RAB30: variants seen among roughly 807,000 people sequenced by gnomAD.
RAB30 encodes RAB30, member RAS oncogene family.
Under a neutral mutation model 25.1 loss-of-function variants are expected in RAB30, and 9 were observed. That is an observed-to-expected ratio of 0.36 (90% confidence interval 0.22 to 0.63). The LOEUF (loss-of-function observed/expected upper bound fraction) is 0.63. Ranked by LOEUF, RAB30 falls within the 20% of genes least tolerant of loss-of-function variation. The probability of loss-of-function intolerance (pLI) is 0.69; values close to 1 mark genes in which losing one functional copy is unlikely to be tolerated. For missense variants in RAB30, 140 were observed against 243.5 expected, an observed-to-expected ratio of 0.58 and a Z score of 2.83; for synonymous variants, 77 against 86.4, an observed-to-expected ratio of 0.89 and a Z score of 0.60.
At position 83,071,878 on chromosome 11, in the gene RAB30, T is replaced by G. The variant is rs1246903320; in HGVS notation, c.-196A>C. ...TCGCAAGCCCAGCAGCAGCAGGGGGTGGAGAGACCGTAGCACAATGAATGC... is the reference window on the plus strand; with the variant it reads ...TCGCAAGCCCAGCAGCAGCAGGGGGGGGAGAGACCGTAGCACAATGAATGC... On this transcript the variant is annotated 5_prime_UTR_variant, in exon 1 of 5. Transcript: ENST00000527633. 2 of 384,072 alleles carry G rather than the reference T, an allele frequency of 5.2e-6. No individual in the cohort carries two copies. The highest frequency in any genetic ancestry group is 4.2e-5 in the African/African-American group (2 of 48,178). 23.8% of individuals were successfully genotyped at this position (384,072 alleles called of 1,614,324 possible). A position where few individuals can be genotyped will look rare whatever the true frequency, so the allele number is the denominator to read the frequency against.
intron 1 of RAB30, among the ~76,000 whole-genome samples, chr11:83,053,077 T>A (rs1225288634): frequency 6.6e-6 from 1 of 152,182 alleles, no homozygotes; most frequent in African/African-American, 2.4e-5. Flanking sequence ...CTAACTATCA[T>A]GAATCCCCTG....
intron 1 of RAB30, among the ~76,000 whole-genome samples, chr11:82,998,936 G>C (rs1005439643): frequency 6.6e-6 from 1 of 152,146 alleles, no homozygotes; most frequent in African/African-American, 2.4e-5. Context: ...AGAGAGGAGA[G>C]CCCAATTAGC....
intron 1 of RAB30, among the ~76,000 whole-genome samples, chr11:83,044,621 C>T (rs955524328): frequency 1.3e-5 from 2 of 152,038 alleles, no homozygotes; most frequent in East Asian, 3.8e-4. Flanking sequence ...GAAAAACATT[C>T]AACTTATATA....
At chr11:83,014,429 T>A (rs1041592614) in intron 1 of RAB30, among the ~76,000 whole-genome samples, 3 of 152,006 alleles carry the variant, frequency 2.0e-5, no homozygotes, top group Admixed American at 2.0e-4. Context: ...ACACCTGTAG[T>A]CCCAGCTACT....
At chr11:83,046,112 C>T (rs890377459) in intron 1 of RAB30, among the ~76,000 whole-genome samples, 6 of 152,206 alleles carry the variant, frequency 3.9e-5, no homozygotes, top group African/African-American at 1.4e-4. Flanking sequence ...CCTTTAACCT[C>T]ATTACTTACC....
rs184323721 is a variant in RAB30, at chr11:82,986,986, C to T, written c.361+601G>A. 3.9e-5 allele frequency: 6 copies of T among 152,260 alleles called. No individual in the cohort carries two copies. The East Asian group carries it at 7.7e-4, about 20-fold the overall frequency. The allele number at this position is 152,260 out of a possible 1,614,324, so 9.4% of individuals were successfully genotyped here. On this transcript the variant is annotated intron_variant, in intron 4 of 4. Transcript: ENST00000527633. ...GTTACTAACACTTTTCCACTACAAACAGAGAAGTTTTTAATGACCTGGTCC... is the reference window on the plus strand; with the variant it reads ...GTTACTAACACTTTTCCACTACAAATAGAGAAGTTTTTAATGACCTGGTCC...
chr11:83,056,947 G>C (rs1858470114), intron 1 of RAB30, among the ~76,000 whole-genome samples: 1 of 152,146 alleles, frequency 6.6e-6, no homozygotes, highest in Admixed American at 6.5e-5. Flanking sequence ...AAAGCAAAAA[G>C]CATGCAGAAT....
At position 83,004,063 on chromosome 11, in the gene RAB30, C is replaced by A. The variant is rs138253819; in HGVS notation, c.-8-6739G>T. 5.1e-3 allele frequency among the ~76,000 whole-genome samples: 770 copies of A among 152,284 alleles called. 7 individuals are homozygous for A. Among genetic ancestry groups the A allele is most frequent in the African/African-American group, 0.017 (721 of 41,550 alleles). ...TCCCATAATGAAGGCCAGTTAACTT[C>A]ATTTAACACAGGATTTACCAAACAT... On this transcript the variant is annotated intron_variant, in intron 1 of 4. Transcript: ENST00000527633.
intron 4 of RAB30, among the ~76,000 whole-genome samples, chr11:82,985,432 G>C (rs963346218): frequency 6.6e-6 from 1 of 152,124 alleles, no homozygotes; most frequent in Non-Finnish European, 1.5e-5. Flanking sequence ...CTACCCCTCA[G>C]AGTATGATAT....
chr11:83,016,380 T>A (rs1413212100), intron 1 of RAB30, among the ~76,000 whole-genome samples: 1 of 152,192 alleles, frequency 6.6e-6, no homozygotes, highest in Non-Finnish European at 1.5e-5. Flanking sequence ...GATTTTTAAG[T>A]TAAAAAATAA....
At chr11:83,011,549 G>A (rs1857304446) in intron 1 of RAB30, among the ~76,000 whole-genome samples, 1 of 152,174 alleles carries the variant, frequency 6.6e-6, no homozygotes, top group Non-Finnish European at 1.5e-5. Flanking sequence ...GGCGAGTACT[G>A]TGTATTAAAG....
At chr11:83,032,258 G>T (rs1177182062) in intron 1 of RAB30, among the ~76,000 whole-genome samples, 1 of 152,158 alleles carries the variant, frequency 6.6e-6, no homozygotes, top group Non-Finnish European at 1.5e-5. Flanking sequence ...CAGTAACAAA[G>T]CTTGCTAGGT....
At chr11:82,994,641 A>C (rs1164155741) in intron 2 of RAB30, among the ~76,000 whole-genome samples, 1 of 152,214 alleles carries the variant, frequency 6.6e-6, no homozygotes, top group East Asian at 1.9e-4. Flanking sequence ...ACTCAGCATG[A>C]GAAGCGGGAA....
intron 1 of RAB30, among the ~76,000 whole-genome samples, chr11:83,033,469 T>G (rs1292180415): frequency 6.6e-6 from 1 of 152,154 alleles, no homozygotes; most frequent in Non-Finnish European, 1.5e-5. Flanking sequence ...ACAGGTCAAA[T>G]TTAGGCCAAT....
chr11:83,067,123 CT>C (rs976100320), intron 1 of RAB30, among the ~76,000 whole-genome samples: 13 of 152,140 alleles, frequency 8.5e-5, no homozygotes, highest in Non-Finnish European at 1.8e-4. Context: ...CCCCTACCCC[CT>C]AGCCTAGTAT....
At chr11:83,056,926 C>T (rs536558006) in intron 1 of RAB30, among the ~76,000 whole-genome samples, 5 of 152,204 alleles carry the variant, frequency 3.3e-5, no homozygotes, top group East Asian at 3.9e-4. Flanking sequence ...TGCTTCCTGA[C>T]CATAATTTTA....
At chr11:83,021,415 T>G (rs1161353396) in intron 1 of RAB30, among the ~76,000 whole-genome samples, 1 of 152,212 alleles carries the variant, frequency 6.6e-6, no homozygotes, top group Non-Finnish European at 1.5e-5. Flanking sequence ...GCCTCCAAGC[T>G]TCCAGGCACC....
chr11:83,061,801 C>T (rs1057001247), intron 1 of RAB30, among the ~76,000 whole-genome samples: 1 of 136,890 alleles, frequency 7.3e-6, no homozygotes, highest in Admixed American at 8.4e-5. Context: ...TCTTCCTGTT[C>T]CTGAGTAGCT....
At chr11:83,009,481 C>A (rs750520207) in intron 1 of RAB30, among the ~76,000 whole-genome samples, 20 of 152,194 alleles carry the variant, frequency 1.3e-4, no homozygotes, top group Middle Eastern at 3.4e-3. Flanking sequence ...AGTTTGAGAG[C>A]TGGGTGGAAG....
Sources: gnomAD v4.1 joint callset for allele counts (sites outside exome capture counted in the v4.1 genomes callset) on GRCh38, gnomAD v4.1.1 for gene constraint, MANE v1.5 for transcripts, NCBI Gene and HGNC (gene_info 2026-07-23, HGNC 2026-07-21) for gene names.